Variants in CPLX2 observed in about 807,000 individuals in gnomAD.
CPLX2 encodes the protein complexin 2.
Under a neutral mutation model 16.3 loss-of-function variants are expected in CPLX2, and 5 were observed. That is an observed-to-expected ratio of 0.31 (90% CI 0.16 to 0.64). The LOEUF is 0.64. CPLX2 is among the 30% of genes least tolerant of loss of function. The probability of loss-of-function intolerance (pLI) is 0.79; values close to 1 mark genes in which losing one functional copy is unlikely to be tolerated. For missense variants in CPLX2, 144 were observed against 181.4 expected, an observed-to-expected ratio of 0.79 and a Z score of 1.18; for synonymous variants, 89 against 73.2, an observed-to-expected ratio of 1.22 and a Z score of -1.10.
Position 175,881,517 on chromosome 5 carries a change from G to A in CPLX2, c.*1472G>A, listed in dbSNP as rs958438593. The A allele has an allele frequency of 2.0e-5, 3 of 153,056 alleles. No individual in the cohort carries two copies. The highest frequency in any genetic ancestry group is 4.4e-5 in the Non-Finnish European group (3 of 68,144). The allele number at this position is 153,056 out of a possible 1,614,324, so 9.5% of individuals were successfully genotyped here. ...GTATGTGTTAGGTATGTGATGGGTT[G>A]TAGAAGCGTGTGTTTGAGAGAATTC... On this transcript the variant is annotated 3_prime_UTR_variant, in exon 4 of 4. Transcript: ENST00000393745.
intron 2 of CPLX2, among the ~76,000 whole-genome samples, chr5:175,865,375 C>T (rs377146634): frequency 1.8e-4 from 28 of 152,154 alleles, no homozygotes; most frequent in African/African-American, 6.5e-4. Flanking sequence ...GGGGTTCTGC[C>T]GACTGCCTCT....
chr5:175,869,489 C>T (rs1223385259), upstream of CPLX2, among the ~76,000 whole-genome samples: 1 of 152,200 alleles, frequency 6.6e-6, no homozygotes. Context: ...CTTTACCTTT[C>T]CCCCATTGCC....
rs1759107557 is a variant in CPLX2, at chr5:175,849,247, A to C, written c.-88-29405A>C. On this transcript the variant is annotated intron_variant, in intron 2 of 4. Transcript: ENST00000359546. This position sits in a 1 kb window ranked among gnomAD's most constrained non-coding sequence, Gnocchi z 4.4. ...GGGTGGCACTGACCTGTCCATTGTC[A>C]CCAGCCAGCAGCTCAAAGGGATGTC... 6.6e-6 allele frequency among the ~76,000 whole-genome samples: 1 copy of C among 152,162 alleles called. No homozygotes were observed. Among genetic ancestry groups the C allele is most frequent in the African/African-American group, 2.4e-5 (1 of 41,438 alleles).
rs1480647563 is a variant in CPLX2 at position 175,849,203 on chromosome 5, ACAGT to A, written c.-88-29444_-88-29441del. Among the ~76,000 whole-genome samples, 1 of 152,188 alleles carries A rather than the reference ACAGT, an allele frequency of 6.6e-6. No homozygotes were observed. Among genetic ancestry groups the A allele is most frequent in the Non-Finnish European group, 1.5e-5 (1 of 68,036 alleles). The stretch of plus-strand genomic sequence containing the variant: ...TTCACAGGTGGAAACAGAGCACAAA[ACAGT>A]CAGTTTGCTTGTTTGGGTGGCACTG... On this transcript the variant is annotated intron_variant, in intron 2 of 4. Transcript: ENST00000359546. This position sits in a 1 kb window ranked among gnomAD's most constrained non-coding sequence, Gnocchi z 4.4.
Position 175,872,963 on chromosome 5 carries a change from G to GGGA in CPLX2, c.-89+1260_-89+1262dup, listed in dbSNP as rs1759668522. 6.6e-6 allele frequency: 1 copy of GGGA among 152,198 alleles called. No homozygotes were observed. Among genetic ancestry groups the GGGA allele is most frequent in the African/African-American group, 2.4e-5 (1 of 41,438 alleles). 9.4% of individuals were successfully genotyped at this position (152,198 alleles called of 1,614,324 possible). A position where few individuals can be genotyped will look rare whatever the true frequency, so the allele number is the denominator to read the frequency against. On this transcript the variant is annotated intron_variant, in intron 1 of 3. Coordinates refer to ENST00000393745, the MANE Select transcript of CPLX2 (RefSeq NM_001008220.2). This position sits in a 1 kb window ranked among gnomAD's most constrained non-coding sequence, Gnocchi z 5.0. ...GTGCTTGGGCTGGGACGGGCTCGGA[G>GGGA]GGAGTCGGAGAGGGGAAGGAAGCTG... is the stretch of plus-strand genomic sequence containing the variant.
intron 2 of CPLX2, among the ~76,000 whole-genome samples, chr5:175,823,957 T>A (rs150454226): frequency 1.2e-3 from 187 of 152,300 alleles, no homozygotes; most frequent in African/African-American, 4.4e-3. Context: ...GCGCTTTCAA[T>A]AATGCATGTC....
chr5:175,821,186 C>T (rs532825744), intron 2 of CPLX2, among the ~76,000 whole-genome samples: 1 of 152,248 alleles, frequency 6.6e-6, no homozygotes, highest in South Asian at 2.1e-4. Context: ...TGATGGTTTC[C>T]CCATCCCCAG....
At chr5:175,835,138 CAAT>C (rs966907127) in intron 2 of CPLX2, among the ~76,000 whole-genome samples, 2 of 152,146 alleles carry the variant, frequency 1.3e-5, no homozygotes, top group African/African-American at 4.8e-5. Flanking sequence ...AGATTGCAAA[CAAT>C]GTGTTGATTT....
chr5:175,850,591 C>T (rs1366408202), intron 2 of CPLX2, among the ~76,000 whole-genome samples: 3 of 152,222 alleles, frequency 2.0e-5, no homozygotes, highest in Non-Finnish European at 4.4e-5. Context: ...TGCTGCTTCA[C>T]CTCTCGGAAA....
At chr5:175,857,538 C>T (rs1194389864) in intron 2 of CPLX2, among the ~76,000 whole-genome samples, 6 of 152,210 alleles carry the variant, frequency 3.9e-5, no homozygotes, top group Admixed American at 2.6e-4. Flanking sequence ...TGCTCAGACA[C>T]TTACGTTAGC....
In CPLX2 at chr5:175,880,249, T is replaced by G; in HGVS notation, c.*204T>G. On this transcript the variant is annotated 3_prime_UTR_variant, in exon 4 of 4. Transcript: ENST00000393745. ...TATCCACCTGCACCCCACTCCCAAGTAGCTTGAAAAAGGGAGGACAGTCTT... is the reference window on the plus strand; with the variant it reads ...TATCCACCTGCACCCCACTCCCAAGGAGCTTGAAAAAGGGAGGACAGTCTT... 1.4e-6 allele frequency: 1 copy of G among 695,710 alleles called. No individual in the cohort carries two copies. Among genetic ancestry groups the G allele is most frequent in the Non-Finnish European group, 2.6e-6 (1 of 380,004 alleles). 43.1% of individuals were successfully genotyped at this position (695,710 alleles called of 1,614,324 possible).
At chr5:175,862,122 C>T (rs942727308) in intron 2 of CPLX2, among the ~76,000 whole-genome samples, 1 of 152,212 alleles carries the variant, frequency 6.6e-6, no homozygotes, top group Non-Finnish European at 1.5e-5. Context: ...CTAGAAGAGA[C>T]AGAAATTTGT....
chr5:175,847,138 G>A (rs1483916545), intron 2 of CPLX2, among the ~76,000 whole-genome samples: 3 of 152,338 alleles, frequency 2.0e-5, no homozygotes, highest in Middle Eastern at 3.4e-3. Context: ...TAGGGGCCTC[G>A]TCCCAGGCGA....
In CPLX2 at chr5:175,872,674, C is replaced by T. The variant is rs1370470499; in HGVS notation, c.-89+969C>T. The T allele has an allele frequency of 6.6e-6, 1 of 152,202 alleles. No individual in the cohort carries two copies. Among genetic ancestry groups the T allele is most frequent in the Admixed American group, 6.5e-5 (1 of 15,292 alleles). 9.4% of individuals were successfully genotyped at this position (152,202 alleles called of 1,614,324 possible). ...TGCCCCTCCCCTCCCCCATGCGTCTCCCATCCCGGGCCACGGGGTGGGGAC... is the reference window on the plus strand; with the variant it reads ...TGCCCCTCCCCTCCCCCATGCGTCTTCCATCCCGGGCCACGGGGTGGGGAC... On this transcript the variant is annotated intron_variant, in intron 1 of 3. Transcript: ENST00000393745. This position sits in a 1 kb window ranked among gnomAD's most constrained non-coding sequence, Gnocchi z 5.0.
rs1758264843 is a variant in CPLX2, at chr5:175,809,065, AAAGGT to A, written c.-89+2_-89+6del. 6.6e-6 allele frequency: 1 copy of A among 152,326 alleles called. No homozygotes were observed. Among genetic ancestry groups the A allele is most frequent in the Admixed American group, 6.5e-5 (1 of 15,278 alleles). 9.4% of individuals were successfully genotyped at this position (152,326 alleles called of 1,614,324 possible). A position where few individuals can be genotyped will look rare whatever the true frequency, so the allele number is the denominator to read the frequency against. On this transcript the variant is annotated splice_donor_variant and 5_prime_UTR_variant, in exon 2 of 5. Coordinates refer to the CPLX2 transcript ENST00000359546. LOFTEE classifies it low-confidence loss of function (5UTR_SPLICE). The surrounding 1 kb of genome is among the most constrained non-coding windows in gnomAD (Gnocchi z 4.4). The stretch of plus-strand genomic sequence containing the variant: ...CCGCATCCCAGCTCTGCCAGGAAGC[AAAGGT>A]AAGGGCACTGCTCAGCACTAAAGCC...
rs547289072 is a variant in CPLX2, at chr5:175,860,417, AAAGG to A, written c.-88-18219_-88-18216del. ...CAGTTCTGTCTCAAAAAAAATAAAG[AAAGG>A]AAGGAAGGAAGGAAGAAAGAGAAAG... On this transcript the variant is annotated intron_variant, in intron 2 of 4. Coordinates refer to the CPLX2 transcript ENST00000359546. 4.7e-4 allele frequency among the ~76,000 whole-genome samples: 67 copies of A among 142,722 alleles called. 1 individual carries two copies. The highest frequency in any genetic ancestry group is 8.8e-4 in the Admixed American group (13 of 14,812). The allele number at this position is 142,722 out of a possible 152,430, so 93.6% of individuals were successfully genotyped here. A position where few individuals can be genotyped will look rare whatever the true frequency, so the allele number is the denominator to read the frequency against.
chr5:175,850,342 G>T (rs753946499), intron 2 of CPLX2, among the ~76,000 whole-genome samples: 3 of 152,188 alleles, frequency 2.0e-5, no homozygotes, highest in Non-Finnish European at 4.4e-5. Context: ...GAAAACGCAA[G>T]TCTGGCAGGA....
At chr5:175,871,246 C>T (rs1364684627), upstream of CPLX2, among the ~76,000 whole-genome samples, 4 of 146,524 alleles carry the variant, frequency 2.7e-5, no homozygotes, top group African/African-American at 7.6e-5. Flanking sequence ...TGCAGGGAGG[C>T]GGCAGGGGCG....
chr5:175,811,390 T>C (rs1293205896), intron 2 of CPLX2, among the ~76,000 whole-genome samples: 2 of 152,186 alleles, frequency 1.3e-5, no homozygotes, highest in African/African-American at 2.4e-5. Flanking sequence ...AATTTGAGTC[T>C]GGAATCTGGG....
Sources: gnomAD v4.1 joint callset for allele counts (sites outside exome capture counted in the v4.1 genomes callset) on GRCh38, gnomAD v4.1.1 for gene constraint, Gnocchi (gnomAD v3.1) non-coding constraint, MANE v1.5 for transcripts, NCBI Gene and HGNC (gene_info 2026-07-23, HGNC 2026-07-21) for gene names.